The following SLC9B2 variants were observed in gnomAD, a reference collection of about 807,000 sequenced individuals.
The protein encoded by SLC9B2 is sodium/hydrogen exchanger 9B2.
In SLC9B2, 39 loss-of-function variants were observed where a neutral mutation model predicts 52.2. The ratio of observed to expected loss-of-function variants is 0.75; its 90% CI spans 0.58 to 0.98. SLC9B2 has a LOEUF of 0.98. SLC9B2 is among the 50% of genes least tolerant of loss of function. The probability of loss-of-function intolerance (pLI) is 0.00; values close to 1 mark genes in which losing one functional copy is unlikely to be tolerated. For synonymous variants in SLC9B2, 214 were observed against 227.0 expected, an observed-to-expected ratio of 0.94 and a Z score of 0.51; for missense variants, 626 against 637.5, an observed-to-expected ratio of 0.98 and a Z score of 0.19.
At chr4:103,048,840 G>C in intron 6 of SLC9B2, 53 bp downstream of exon 6, 1 of 1,592,254 alleles carries the variant, frequency 6.3e-7, no homozygotes, top group Non-Finnish European at 8.5e-7. Context: ...TGCAATCAGG[G>C]AAAGCCCTAA....
intron 1 of SLC9B2, among the ~76,000 whole-genome samples, chr4:103,075,314 T>C (rs964598890): frequency 6.6e-6 from 1 of 152,156 alleles, no homozygotes; most frequent in Non-Finnish European, 1.5e-5. Context: ...CATGCCCAGC[T>C]AATTTTTATA....
intron 3 of SLC9B2, among the ~76,000 whole-genome samples, chr4:103,061,069 T>C (rs1031901865): frequency 3.3e-5 from 5 of 152,206 alleles, no homozygotes; most frequent in Non-Finnish European, 5.9e-5. Context: ...CTTAGCCTCC[T>C]GTGCTCACAG....
chr4:103,048,315 T>C (rs1180807470), intron 6 of SLC9B2, among the ~76,000 whole-genome samples: 1 of 152,228 alleles, frequency 6.6e-6, no homozygotes, highest in African/African-American at 2.4e-5. Context: ...GATTAAATAC[T>C]TGTTAAAGAT....
intron 1 of SLC9B2, among the ~76,000 whole-genome samples, chr4:103,074,433 A>G (rs1746933359): frequency 6.6e-6 from 1 of 152,244 alleles, no homozygotes; most frequent in East Asian, 1.9e-4. Flanking sequence ...CCTGATGAAC[A>G]GCAGTGATGA....
rs17033405 is a variant in SLC9B2 at position 103,039,503 on chromosome 4, T to C, written c.1146+3793A>G. On this transcript the variant is annotated intron_variant, in intron 9 of 11. Coordinates refer to ENST00000394785, the MANE Select transcript of SLC9B2 (RefSeq NM_178833.7). The stretch of plus-strand genomic sequence containing the variant: ...GAAAAGGAATCCAAACTCAGGACTT[T>C]GGTTTGGTTCCTACAGGAATAAGAA... 8.1e-3 allele frequency among the ~76,000 whole-genome samples: 1,230 copies of C among 152,240 alleles called. 26 individuals are homozygous for C. In the East Asian group the frequency reaches 0.087, roughly 11 times the overall value.
At chr4:103,057,461 GC>G (rs1745250782) in intron 4 of SLC9B2, among the ~76,000 whole-genome samples, 1 of 151,698 alleles carries the variant, frequency 6.6e-6, no homozygotes, top group Non-Finnish European at 1.5e-5. Context: ...ACGTCACCAT[GC>G]CCGGCTAATT....
rs1744230874 is a variant in SLC9B2, at chr4:103,047,211, A to G, written c.729T>C (p.Ala243=). The change falls in exon 7 of 12, where the codon GCT becomes GCC. Residue 243 remains alanine (A), a synonymous_variant. Coordinates refer to ENST00000394785, the MANE Select transcript of SLC9B2 (RefSeq NM_178833.7). ...AAGGCACCACAACAGCTGGAGATACAGCACCTAAAACAAAACTAGGCAGAC... is the reference window on the plus strand; with the variant it reads ...AAGGCACCACAACAGCTGGAGATACGGCACCTAAAACAAAACTAGGCAGAC... ...WGFILGFVLG[A]VSPAVVVPSM... 1 of 1,612,882 alleles carries G rather than the reference A, an allele frequency of 6.2e-7. No homozygotes were observed. The highest frequency in any genetic ancestry group is 8.5e-7 in the Non-Finnish European group (1 of 1,179,404).
In SLC9B2 at chr4:103,049,669, T is replaced by C. The variant is rs192385462; in HGVS notation, c.585+571A>G. Among the ~76,000 whole-genome samples, 7 of 152,254 alleles carry C rather than the reference T, an allele frequency of 4.6e-5. No individual in the cohort carries two copies. The East Asian group carries it at 1.2e-3, about 25-fold the overall frequency. On this transcript the variant is annotated intron_variant, in intron 5 of 11. Coordinates refer to ENST00000394785, the MANE Select transcript of SLC9B2 (RefSeq NM_178833.7). ...TGTACATCAGAGAAAAGTGGGGCCT[T>C]TATTCTTGGTGCTGGCCCCATAGAC...
intron 1 of SLC9B2, among the ~76,000 whole-genome samples, chr4:103,075,900 T>C (rs577604013): frequency 6.6e-6 from 1 of 152,324 alleles, no homozygotes; most frequent in African/African-American, 2.4e-5. Flanking sequence ...GTCTTAAGGT[T>C]ATATTCTTCA....
chr4:103,041,151 TC>T (rs1743605412), intron 9 of SLC9B2, among the ~76,000 whole-genome samples: 1 of 152,198 alleles, frequency 6.6e-6, no homozygotes, highest in Non-Finnish European at 1.5e-5. Flanking sequence ...AAGGAAGTGA[TC>T]AATTTCTGAT....
intron 1 of SLC9B2, among the ~76,000 whole-genome samples, chr4:103,068,030 C>T (rs1746299967): frequency 6.6e-6 from 1 of 152,176 alleles, no homozygotes; most frequent in Admixed American, 6.5e-5. Flanking sequence ...GTCACTAACT[C>T]CTGCCTGGTT....
At chr4:103,051,711 G>T (rs929171518) in intron 4 of SLC9B2, among the ~76,000 whole-genome samples, 4 of 152,028 alleles carry the variant, frequency 2.6e-5, no homozygotes, top group Non-Finnish European at 5.9e-5. Context: ...CACTGTTAAG[G>T]GTCTTCTGTG....
Position 103,025,422 on chromosome 4 carries a change from GA to G in SLC9B2, c.*947del, listed in dbSNP as rs1453100284. On this transcript the variant is annotated 3_prime_UTR_variant, in exon 12 of 12. Transcript: ENST00000394785. ...TAGGGAATGGCAGAGCTTCAGGACA[GA>G]AAGACATGGGACTCTGAGCAGACCT... 2.0e-5 allele frequency: 3 copies of G among 152,230 alleles called. No homozygotes were observed. The highest frequency in any genetic ancestry group is 2.0e-4 in the Admixed American group (3 of 15,280). The allele number at this position is 152,230 out of a possible 1,614,324, so 9.4% of individuals were successfully genotyped here.
At position 103,032,555 on chromosome 4, in the gene SLC9B2, T is replaced by C. The variant is rs112612258; in HGVS notation, c.1147-747A>G. ...AGTGTGCTAAAGAGATATTGCAAGC[T>C]GAAGGTGCTTTTCTTCCTGGTTTCT... On this transcript the variant is annotated intron_variant, in intron 9 of 11. Transcript: ENST00000394785. 3.2e-3 allele frequency among the ~76,000 whole-genome samples: 488 copies of C among 152,274 alleles called. 6 individuals are homozygous for C. Among genetic ancestry groups the C allele is most frequent in the African/African-American group, 0.011 (471 of 41,560 alleles).
chr4:103,064,503 G>A (rs950384804), intron 3 of SLC9B2, among the ~76,000 whole-genome samples: 1 of 152,142 alleles, frequency 6.6e-6, no homozygotes, highest in African/African-American at 2.4e-5. Flanking sequence ...GAGGGGAGGA[G>A]CTTGGGGTTA....
At chr4:103,041,263 T>C (rs888246843) in intron 9 of SLC9B2, among the ~76,000 whole-genome samples, 10 of 152,308 alleles carry the variant, frequency 6.6e-5, no homozygotes, top group African/African-American at 2.2e-4. Context: ...GGTGCATCCA[T>C]GTGTGTAGAT....
At chr4:103,058,087 C>T in intron 3 of SLC9B2, 116 bp from the exon 4 acceptor site, 1 of 963,306 alleles carries the variant, frequency 1.0e-6, no homozygotes. Context: ...TATTTATAAT[C>T]ATGTTTAATC....
At chr4:103,060,680 G>A (rs1484040405) in intron 3 of SLC9B2, among the ~76,000 whole-genome samples, 1 of 151,586 alleles carries the variant, frequency 6.6e-6, no homozygotes, top group African/African-American at 2.4e-5. Context: ...GCAACAGTGA[G>A]CTCTCCCTTG....
At chr4:103,034,502 G>A (rs966994186) in intron 9 of SLC9B2, among the ~76,000 whole-genome samples, 4 of 151,996 alleles carry the variant, frequency 2.6e-5, no homozygotes, top group African/African-American at 9.7e-5. Context: ...TACTATCAAT[G>A]GAGTAAACAG....
Sources: gnomAD v4.1 joint callset for allele counts (sites outside exome capture counted in the v4.1 genomes callset) on GRCh38, gnomAD v4.1.1 for gene constraint, MANE v1.5 for transcripts, NCBI Gene and HGNC (gene_info 2026-07-23, HGNC 2026-07-21) for gene names.